TUBGCP3: variants seen among roughly 807,000 people sequenced by gnomAD.
The protein encoded by TUBGCP3 is gamma-tubulin complex component 3.
In TUBGCP3, 50 loss-of-function variants were observed where a neutral mutation model predicts 123.1. The ratio of observed to expected loss-of-function variants is 0.41; its 90% CI spans 0.32 to 0.51. The LOEUF (loss-of-function observed/expected upper bound fraction) is 0.51, where lower values mean the gene tolerates loss of function less well. Among genes scored for constraint, TUBGCP3 ranks in the 20% least tolerant of loss-of-function variants. TUBGCP3 has a pLI of 0.36. For synonymous variants in TUBGCP3, 405 were observed against 413.9 expected (o/e 0.98, Z 0.26); for missense variants, 882 against 1,127.0 (o/e 0.78, Z 3.11).
At chr13:112,547,327 G>T in intron 10 of TUBGCP3, 1 of 410,368 alleles carries the variant, frequency 2.4e-6, no homozygotes, top group Non-Finnish European at 4.2e-6. Context: ...GCCAGCCCGA[G>T]CTTCTACCAT....
intron 1 of TUBGCP3, 111 bp from the exon 2 acceptor site, chr13:112,569,370 C>T: frequency 1.2e-6 from 1 of 865,024 alleles, no homozygotes; most frequent in East Asian, 2.5e-5. Context: ...CTTCCACCTC[C>T]CCAAGGTCTT....
chr13:112,545,428 C>A lies in TUBGCP3; in HGVS notation c.1335+271G>T. ...GGAGGCCTCGTCCTGTTTTGCCATC[C>A]ACGTGCTAGTAAACTCGGACGAGTG... On this transcript the variant is annotated intron_variant, in intron 11 of 21. Transcript: ENST00000261965. This position sits in a 1 kb window ranked among gnomAD's most constrained non-coding sequence, Gnocchi z 4.1. 1 of 381,258 alleles carries A rather than the reference C, an allele frequency of 2.6e-6. No individual in the cohort carries two copies. Among genetic ancestry groups the A allele is most frequent in the Non-Finnish European group, 4.9e-6 (1 of 205,796 alleles). 23.6% of individuals were successfully genotyped at this position (381,258 alleles called of 1,614,324 possible). A position where few individuals can be genotyped will look rare whatever the true frequency, so the allele number is the denominator to read the frequency against.
chr13:112,581,503 T>TG (rs996639226), intron 1 of TUBGCP3, among the ~76,000 whole-genome samples: 1 of 151,900 alleles, frequency 6.6e-6, no homozygotes, highest in Non-Finnish European at 1.5e-5. Flanking sequence ...TGGAGTGCAG[T>TG]GGTAAGATCT....
At chr13:112,530,605 G>T (rs939414680) in intron 11 of TUBGCP3, among the ~76,000 whole-genome samples, 3 of 152,242 alleles carry the variant, frequency 2.0e-5, no homozygotes, top group Admixed American at 6.5e-5. Context: ...TGCAGGACAT[G>T]AGTATGTGTG....
intron 13 of TUBGCP3, among the ~76,000 whole-genome samples, chr13:112,526,588 ACATCATCACCATCAT>A (rs1333571300): frequency 2.2e-5 from 3 of 137,300 alleles, no homozygotes; most frequent in Non-Finnish European, 3.1e-5. Context: ...CACCATCACC[ACATCATCACCATCAT>A]CATCATCACC....
chr13:112,492,832 T>G (rs930818528), intron 20 of TUBGCP3, among the ~76,000 whole-genome samples: 146 of 91,224 alleles, frequency 1.6e-3, no homozygotes, highest in South Asian at 2.7e-3. Context: ...TATGGGAACA[T>G]GGCCTGGTGT....
chr13:112,501,364 G>T (rs1460909453), intron 19 of TUBGCP3, among the ~76,000 whole-genome samples: 1 of 152,190 alleles, frequency 6.6e-6, no homozygotes, highest in African/African-American at 2.4e-5. Flanking sequence ...TCTACAAGGT[G>T]ACCCACTGAC....
chr13:112,549,865 C>G (rs1012019396), intron 8 of TUBGCP3, among the ~76,000 whole-genome samples: 1 of 151,832 alleles, frequency 6.6e-6, no homozygotes, highest in Non-Finnish European at 1.5e-5. Context: ...TGGCGGGTGC[C>G]TGTGGTCCCA....
chr13:112,486,010 G>A lies in TUBGCP3; in HGVS notation c.2707C>T (p.Arg903Cys), dbSNP rs759107277. The change falls in exon 22 of 22, where the codon CGC becomes TGC. Residue 903 changes from arginine to cysteine, a missense_variant. Arg to Cys is a radical substitution (Grantham distance 180, BLOSUM62 -3). Transcript: ENST00000261965. ...LRVSLGTRGRRSSHT is the reference protein window; with the variant it reads ...LRVSLGTRGRCSSHT ...CGCGAGCTTCACGTGTGGGAGCTGCGCCGCCCCCTGGTACCCAGAGACACA... is the reference window on the plus strand; with the variant it reads ...CGCGAGCTTCACGTGTGGGAGCTGCACCGCCCCCTGGTACCCAGAGACACA... 29 of 1,603,636 alleles carry A rather than the reference G, an allele frequency of 1.8e-5. No homozygotes were observed. Among genetic ancestry groups the A allele is most frequent in the Middle Eastern group, 1.7e-4 (1 of 6,018 alleles).
At chr13:112,588,460 G>A (rs1381039037), upstream of TUBGCP3, among the ~76,000 whole-genome samples, 6 of 152,154 alleles carry the variant, frequency 3.9e-5, no homozygotes, top group Non-Finnish European at 7.4e-5. Context: ...GATGAAAGAA[G>A]CCTGTTTAAA....
At chr13:112,581,378 G>A (rs545248052) in intron 1 of TUBGCP3, among the ~76,000 whole-genome samples, 7 of 152,106 alleles carry the variant, frequency 4.6e-5, no homozygotes, top group Non-Finnish European at 7.4e-5. Context: ...TTTACACTGC[G>A]TATATATTAA....
chr13:112,515,457 A>G (rs564000696), intron 17 of TUBGCP3, among the ~76,000 whole-genome samples: 2 of 152,348 alleles, frequency 1.3e-5, no homozygotes, highest in Admixed American at 1.3e-4. Context: ...GAGCAAGGGA[A>G]TCCGCAACAG....
At chr13:112,549,476 G>T (rs899574638) in intron 8 of TUBGCP3, among the ~76,000 whole-genome samples, 1 of 145,622 alleles carries the variant, frequency 6.9e-6, no homozygotes. Context: ...TAAAACTTAA[G>T]GTATAATAAT....
rs1223108205 is a variant in TUBGCP3, at chr13:112,524,440, C to T, written c.1556-1931G>A. Reference sequence around the variant, plus strand: ...CTCCGGCACAGCAGGCGCATGGGGACGCCCTGTCCCAGGCACAGCCCATGT... The same window carrying T: ...CTCCGGCACAGCAGGCGCATGGGGATGCCCTGTCCCAGGCACAGCCCATGT... On this transcript the variant is annotated intron_variant, in intron 13 of 21. Coordinates refer to ENST00000261965, the MANE Select transcript of TUBGCP3 (RefSeq NM_006322.6). The surrounding 1 kb of genome is among the most constrained non-coding windows in gnomAD (Gnocchi z 4.4). 6.6e-6 allele frequency among the ~76,000 whole-genome samples: 1 copy of T among 152,188 alleles called. No individual in the cohort carries two copies. The highest frequency in any genetic ancestry group is 1.5e-5 in the Non-Finnish European group (1 of 68,030).
At chr13:112,597,031 C>T in the TUBGCP3 span, among the ~76,000 whole-genome samples, 1 of 152,208 alleles carries the variant, frequency 6.6e-6, no homozygotes, top group African/African-American at 2.4e-5. Flanking sequence ...ATGCTTTTCC[C>T]CCATGGATTT....
At chr13:112,556,831 G>A (rs1442891899) in intron 5 of TUBGCP3, among the ~76,000 whole-genome samples, 1 of 152,196 alleles carries the variant, frequency 6.6e-6, no homozygotes, top group African/African-American at 2.4e-5. Context: ...TGTCAAAGTT[G>A]TTTTTTGAAA....
chr13:112,562,893 T>C (rs1266985779), intron 3 of TUBGCP3, among the ~76,000 whole-genome samples: 2 of 152,218 alleles, frequency 1.3e-5, no homozygotes. Context: ...GCACAAGAGC[T>C]GATCTCAGCT....
chr13:112,537,485 GGATT>G (rs1192023031), intron 11 of TUBGCP3, among the ~76,000 whole-genome samples: 8 of 152,140 alleles, frequency 5.3e-5, no homozygotes, highest in Non-Finnish European at 1.0e-4. Flanking sequence ...TGCATTCTTG[GGATT>G]AATTCCACTT....
rs959446095 is a variant in TUBGCP3 at position 112,524,170 on chromosome 13, C to T, written c.1556-1661G>A. 6.6e-6 allele frequency among the ~76,000 whole-genome samples: 1 copy of T among 152,252 alleles called. No individual in the cohort carries two copies. The highest frequency in any genetic ancestry group is 1.5e-5 in the Non-Finnish European group (1 of 68,054). On this transcript the variant is annotated intron_variant, in intron 13 of 21. Coordinates refer to ENST00000261965, the MANE Select transcript of TUBGCP3 (RefSeq NM_006322.6). The surrounding 1 kb of genome is among the most constrained non-coding windows in gnomAD (Gnocchi z 4.4). Reference sequence around the variant, plus strand: ...AAGCAATATTTGCACCTAACCTACACACATCTTCCCATATACGGTAAATCA... The same window carrying T: ...AAGCAATATTTGCACCTAACCTACATACATCTTCCCATATACGGTAAATCA...
Sources: allele counts gnomAD v4.1 joint callset (sites outside exome capture counted in the v4.1 genomes callset), GRCh38; gene constraint gnomAD v4.1.1; non-coding constraint Gnocchi (gnomAD v3.1); transcripts MANE v1.5; gene names NCBI Gene and HGNC (gene_info 2026-07-23, HGNC 2026-07-21).